LIN52: variants seen among roughly 807,000 people sequenced by gnomAD.
LIN52 encodes the protein protein lin-52 homolog.
A neutral mutation model predicts 18.5 loss-of-function variants in LIN52; 4 were observed. The ratio of observed to expected loss-of-function variants is 0.22; its 90% CI spans 0.11 to 0.49. The LOEUF (loss-of-function observed/expected upper bound fraction) is 0.49. Ranked by LOEUF, LIN52 falls within the 20% of genes least tolerant of loss-of-function variation. The pLI is 0.97. For missense variants in LIN52, 102 were observed against 139.5 expected, an observed-to-expected ratio of 0.73 and a Z score of 1.35; for synonymous variants, 34 against 45.5, an observed-to-expected ratio of 0.75 and a Z score of 1.02.
In LIN52 at chr14:74,095,147, C is replaced by CTGT. The variant is rs1462938985; in HGVS notation, c.95-799_95-797dup. 3.1e-5 allele frequency among the ~76,000 whole-genome samples: 3 copies of CTGT among 97,104 alleles called. No individual in the cohort carries two copies. In the Admixed American group the frequency reaches 3.2e-4, roughly 10 times the overall value. 63.7% of individuals were successfully genotyped at this position (97,104 alleles called of 152,430 possible). On this transcript the variant is annotated intron_variant, in intron 2 of 5. Coordinates refer to ENST00000555028, the MANE Select transcript of LIN52 (RefSeq NM_001024674.3). ...GGTGTGCATTACCATGCCCAACTAACTGTTTTTTTTTTTTTTTTTTTTGAG... is the reference window on the plus strand; with the variant it reads ...GGTGTGCATTACCATGCCCAACTAACTGTTGTTTTTTTTTTTTTTTTTTTTGAG...
At chr14:74,128,963 C>T (rs1406303110) in intron 5 of LIN52, among the ~76,000 whole-genome samples, 1 of 152,010 alleles carries the variant, frequency 6.6e-6, no homozygotes, top group Non-Finnish European at 1.5e-5. Context: ...CAAAACAAAA[C>T]AAAAACAACA....
intron 5 of LIN52, among the ~76,000 whole-genome samples, chr14:74,130,756 A>AT (rs929685344): frequency 2.7e-5 from 4 of 149,320 alleles, no homozygotes; most frequent in Non-Finnish European, 5.9e-5. Context: ...CGCGTGGCTA[A>AT]TTTTTTTTGT....
At position 74,198,929 on chromosome 14, in the gene LIN52, G is replaced by C. The variant is rs17098232; in HGVS notation, c.291G>C (p.Glu97Asp). ...TTTGCTTTGTGATTCCAGCCAGAGA[G>C]ATGACACGGGGGAAATTCCTCAATA... ...AYQLGLDESR[E>D]MTRGKFLNIL... Residue 97 changes from glutamate to aspartate, a missense_variant, in exon 6 of 6, where the codon GAG becomes GAC. Transcript: ENST00000555028. The C allele has an allele frequency of 2.5e-6, 4 of 1,611,480 alleles. No individual in the cohort carries two copies. The highest frequency in any genetic ancestry group is 3.4e-6 in the Non-Finnish European group (4 of 1,177,998).
At chr14:74,187,269 C>A (rs2061344955) in intron 5 of LIN52, among the ~76,000 whole-genome samples, 1 of 152,022 alleles carries the variant, frequency 6.6e-6, no homozygotes, top group Non-Finnish European at 1.5e-5. Context: ...AATTCCAATG[C>A]CAGATAAGAT....
chr14:74,182,567 A>G (rs554303683), intron 5 of LIN52, among the ~76,000 whole-genome samples: 1 of 152,254 alleles, frequency 6.6e-6, no homozygotes, highest in South Asian at 2.1e-4. Flanking sequence ...TCGCAGTAAA[A>G]TTGGATTAGC....
At chr14:74,109,479 T>C (rs754908931) in intron 5 of LIN52, among the ~76,000 whole-genome samples, 27 of 152,094 alleles carry the variant, frequency 1.8e-4, no homozygotes, top group African/African-American at 5.6e-4. Flanking sequence ...ACAAAAAAAA[T>C]TGGTTGGCCG....
chr14:74,102,206 G>A (rs1057494133), intron 5 of LIN52, among the ~76,000 whole-genome samples: 1 of 152,116 alleles, frequency 6.6e-6, no homozygotes, highest in African/African-American at 2.4e-5. Flanking sequence ...TCATGCCACT[G>A]CACTCCAGCC....
At chr14:74,132,159 T>TCCTCTGAACCTCAAGTTCAATTATTTGCC (rs1395632047) in intron 5 of LIN52, among the ~76,000 whole-genome samples, 2 of 152,244 alleles carry the variant, frequency 1.3e-5, no homozygotes, top group Non-Finnish European at 2.9e-5. Flanking sequence ...AACTTGAGGT[T>TCCTCTGAACCTCAAGTTCAATTATTTGCC]CAGAGAGCTT....
intron 5 of LIN52, among the ~76,000 whole-genome samples, chr14:74,159,392 C>T (rs1024553759): frequency 2.6e-5 from 4 of 152,058 alleles, no homozygotes; most frequent in Admixed American, 2.0e-4. Flanking sequence ...TCCTGCCTGC[C>T]TTTGTATATA....
At chr14:74,198,893 T>C in intron 5 of LIN52, 29 bp from the exon 6 acceptor site, 1 of 1,554,188 alleles carries the variant, frequency 6.4e-7, no homozygotes, top group Non-Finnish European at 8.9e-7. Context: ...TAGGTTTTCA[T>C]TGATCATTTG....
intron 5 of LIN52, among the ~76,000 whole-genome samples, chr14:74,161,236 G>A (rs2061223252): frequency 6.6e-6 from 1 of 152,108 alleles, no homozygotes; most frequent in African/African-American, 2.4e-5. Flanking sequence ...GCCCATGCTG[G>A]AGTGCAGTGC....
chr14:74,129,737 A>G lies in LIN52; in HGVS notation c.283+28499A>G, dbSNP rs372326570. 1.4e-3 allele frequency among the ~76,000 whole-genome samples: 209 copies of G among 152,244 alleles called. 1 individual carries two copies. The highest frequency in any genetic ancestry group is 4.8e-3 in the African/African-American group (201 of 41,548). On this transcript the variant is annotated intron_variant, in intron 5 of 5. Coordinates refer to ENST00000555028, the MANE Select transcript of LIN52 (RefSeq NM_001024674.3). ...GTGACACACACCTGTAGTCACAGCT[A>G]CTTGGGAGGCTGAGACAAGAGGATT...
intron 5 of LIN52, among the ~76,000 whole-genome samples, chr14:74,193,758 C>G (rs987156558): frequency 6.6e-6 from 1 of 151,906 alleles, no homozygotes; most frequent in Non-Finnish European, 1.5e-5. Context: ...CCTATGTGGC[C>G]CAGGGTCAAT....
chr14:74,157,241 C>T (rs1472113491), intron 5 of LIN52, among the ~76,000 whole-genome samples: 4 of 151,588 alleles, frequency 2.6e-5, no homozygotes, highest in Non-Finnish European at 5.9e-5. Flanking sequence ...CCATGTTGGC[C>T]AGGCTGATCT....
At chr14:74,183,248 C>T (rs535931352) in intron 5 of LIN52, among the ~76,000 whole-genome samples, 44 of 147,422 alleles carry the variant, frequency 3.0e-4, no homozygotes, top group Non-Finnish European at 5.4e-4. Flanking sequence ...CAGGTGCCCG[C>T]CACCACGCCC....
At chr14:74,144,998 T>G (rs2061147787) in intron 5 of LIN52, among the ~76,000 whole-genome samples, 1 of 152,188 alleles carries the variant, frequency 6.6e-6, no homozygotes, top group African/African-American at 2.4e-5. Context: ...ATAGAAGAGA[T>G]AAGGGAGATC....
chr14:74,175,867 C>T (rs2061291930), intron 5 of LIN52, among the ~76,000 whole-genome samples: 1 of 151,846 alleles, frequency 6.6e-6, no homozygotes. Flanking sequence ...GTAATCCCAA[C>T]ACTTTGGGAG....
At chr14:74,163,065 T>G (rs1386244264) in intron 5 of LIN52, among the ~76,000 whole-genome samples, 1 of 152,202 alleles carries the variant, frequency 6.6e-6, no homozygotes, top group African/African-American at 2.4e-5. Context: ...ACCCTTTCTA[T>G]TCTCCCTTGC....
At position 74,101,228 on chromosome 14, in the gene LIN52, G is replaced by A; in HGVS notation, c.273G>A (p.Gly91=). 6.2e-7 allele frequency: 1 copy of A among 1,608,378 alleles called. No individual in the cohort carries two copies. Among genetic ancestry groups the A allele is most frequent in the Non-Finnish European group, 8.5e-7 (1 of 1,178,138 alleles). ...RGLQNLAYQL[G]LDESREMTRG... is the part of the protein sequence containing the mutation. ...TACAGAACCTAGCCTATCAGCTGGG[G>A]CTGGATGAGTGTGAGTACCCCGATC... is the stretch of plus-strand genomic sequence containing the variant. The change falls in exon 5 of 6, where the codon GGG becomes GGA. Residue 91 remains glycine (G), a synonymous_variant. Transcript: ENST00000555028.
Sources: allele counts gnomAD v4.1 joint callset (sites outside exome capture counted in the v4.1 genomes callset), GRCh38; gene constraint gnomAD v4.1.1; transcripts MANE v1.5; gene names NCBI Gene and HGNC (gene_info 2026-07-23, HGNC 2026-07-21).